TG: variants seen among roughly 807,000 people sequenced by gnomAD.
TG encodes thyroglobulin.
In TG, 270 loss-of-function variants were observed where a neutral mutation model predicts 324.7. The ratio of observed to expected loss-of-function variants is 0.83; its 90% CI spans 0.75 to 0.92. The LOEUF is 0.92. TG is among the 40% of genes least tolerant of loss of function. The pLI is 0.00. For missense variants in TG, 3,591 were observed against 3,456.4 expected (o/e 1.04, Z -0.98); for synonymous variants, 1,401 against 1,327.0 (o/e 1.06, Z -1.21).
chr8:133,116,521 G>C, intron 44 of TG, 88 bp from the exon 45 acceptor site: 1 of 1,267,822 alleles, frequency 7.9e-7, no homozygotes. Flanking sequence ...GGGCCCAGGG[G>C]GCCCCTTGCT....
At chr8:133,075,277 T>A in intron 41 of TG, 1 of 275,086 alleles carries the variant, frequency 3.6e-6, no homozygotes, top group Non-Finnish European at 5.5e-6. Context: ...CTCTTGTACA[T>A]CCCCAGAACT....
At chr8:132,923,316 T>G (rs1476013762) in intron 21 of TG, 22 bp from the exon 22 acceptor site, 1 of 1,613,576 alleles carries the variant, frequency 6.2e-7, no homozygotes, top group East Asian at 2.2e-5. Flanking sequence ...TATTGACGGC[T>G]ATGTCAATCT....
chr8:132,867,004 GC>G lies in TG; in HGVS notation c.7del (p.Leu3TrpfsTer41). The G allele has an allele frequency of 6.3e-7, 1 of 1,594,360 alleles. No individual in the cohort carries two copies. The highest frequency in any genetic ancestry group is 8.6e-7 in the Non-Finnish European group (1 of 1,168,756). The stretch of plus-strand genomic sequence containing the variant: ...CCTCCCAGGAAGGGCCAGGAAAATG[GC>G]CCTGGTCCTGGAGATCTTCACCCTG... Reference protein sequence around the residue: MALVLEIFTLLA... With the variant: MXLVLEIFTLLA... On this transcript the variant is annotated frameshift_variant, in exon 1 of 48. Transcript: ENST00000220616. LOFTEE classifies it high-confidence loss of function.
intron 5 of TG, among the ~76,000 whole-genome samples, chr8:132,874,756 G>A (rs1347592018): frequency 2.6e-5 from 4 of 152,178 alleles, no homozygotes; most frequent in Non-Finnish European, 5.9e-5. Flanking sequence ...AACATGAGAA[G>A]TTTCACATGT....
In TG at chr8:133,017,867, G is replaced by A. The variant is rs770300996; in HGVS notation, c.6652G>A (p.Val2218Met). 2 of 1,614,184 alleles carry A rather than the reference G, an allele frequency of 1.2e-6. No homozygotes were observed. Among genetic ancestry groups the A allele is most frequent in the East Asian group, 2.2e-5 (1 of 44,876 alleles). ...RLLGRSQAIQ[V>M]GTSWKQVDQF... ...GCTGGGCAGGTCCCAGGCCATCCAGGTGGGTACCTCATGGAAGCAAGTGGA... is the reference window on the plus strand; with the variant it reads ...GCTGGGCAGGTCCCAGGCCATCCAGATGGGTACCTCATGGAAGCAAGTGGA... Residue 2218 changes from valine to methionine, a missense_variant, in exon 38 of 48, where the codon GTG becomes ATG. Val to Met is a conservative substitution (Grantham distance 21). Transcript: ENST00000220616.
intron 25 of TG, 129 bp from the exon 26 acceptor site, chr8:132,941,222 T>C: frequency 8.8e-7 from 1 of 1,136,324 alleles, no homozygotes; most frequent in Non-Finnish European, 1.3e-6. Context: ...GAGCATCTCA[T>C]CTTGGCCCAC....
intron 5 of TG, 25 bp from the exon 6 acceptor site, chr8:132,881,838 G>T: frequency 1.3e-6 from 2 of 1,521,802 alleles, no homozygotes; most frequent in South Asian, 1.1e-5. Flanking sequence ...TATGAATGGT[G>T]ACCGTAAATC....
At chr8:133,080,759 C>T (rs919058090) in intron 41 of TG, among the ~76,000 whole-genome samples, 1 of 152,240 alleles carries the variant, frequency 6.6e-6, no homozygotes, top group Admixed American at 6.5e-5. Context: ...AGACAAGCCC[C>T]TCACCTCTTC....
At chr8:133,050,911 C>T (rs989401102) in intron 41 of TG, 2 of 1,609,708 alleles carry the variant, frequency 1.2e-6, no homozygotes, top group African/African-American at 1.3e-5. Flanking sequence ...AGTCGCTATC[C>T]AGTCCTGGGG....
chr8:133,033,949 G>A (rs1272515319), intron 41 of TG, among the ~76,000 whole-genome samples: 1 of 152,192 alleles, frequency 6.6e-6, no homozygotes, highest in Non-Finnish European at 1.5e-5. Context: ...TTAACACTTA[G>A]CACAGCGCTT....
rs201267078 is a variant in TG, at chr8:132,898,832, G to T, written c.3252G>T (p.Gly1084=). The change falls in exon 14 of 48, where the codon GGG becomes GGT. Residue 1084 remains glycine (G), a synonymous_variant. Coordinates refer to ENST00000220616, the MANE Select transcript of TG (RefSeq NM_003235.5). The part of the protein sequence containing the change: ...PTTCEKSRTS[G]LLSSWKQARS... ...CCTGCGAGAAATCTCGAACCAGTGG[G>T]CTGCTTTCCAGTTGGAAACAGGCTA... 1.9e-6 allele frequency: 3 copies of T among 1,614,168 alleles called. No homozygotes were observed. In the East Asian group the frequency reaches 6.7e-5, roughly 36 times the overall value.
intron 27 of TG, 131 bp downstream of exon 27, chr8:132,949,074 A>G (rs1410477499): frequency 6.0e-6 from 5 of 832,044 alleles, no homozygotes; most frequent in East Asian, 2.6e-5. Context: ...AAAAAACTTT[A>G]CCAATCATAC....
rs112647448 is a variant in TG at position 133,046,650 on chromosome 8, C to G, written c.7239+16627C>G. On this transcript the variant is annotated intron_variant, in intron 41 of 47. Transcript: ENST00000220616. Reference sequence around the variant, plus strand: ...TTACGACACCCACCCTGGGTTCTTCCTCCCTTTGGCCAGGCCAGCTTAGGA... The same window carrying G: ...TTACGACACCCACCCTGGGTTCTTCGTCCCTTTGGCCAGGCCAGCTTAGGA... 3.3e-5 allele frequency: 5 copies of G among 152,366 alleles called. No individual in the cohort carries two copies. In the East Asian group the frequency reaches 9.6e-4, roughly 29 times the overall value. 9.4% of individuals were successfully genotyped at this position (152,366 alleles called of 1,614,324 possible).
chr8:133,059,211 C>A (rs1178970667), intron 41 of TG: 1 of 448,270 alleles, frequency 2.2e-6, no homozygotes, highest in Non-Finnish European at 4.5e-6. Context: ...AAATGGGACA[C>A]CAGGCCCCAA....
At chr8:132,909,169 G>A (rs912548681) in intron 18 of TG, among the ~76,000 whole-genome samples, 2 of 152,196 alleles carry the variant, frequency 1.3e-5, no homozygotes, top group African/African-American at 4.8e-5. Context: ...CTGCTGTGTA[G>A]AGGGTAGGCT....
intron 33 of TG, 137 bp from the exon 34 acceptor site, chr8:132,972,461 A>G: frequency 7.0e-6 from 7 of 1,004,206 alleles, no homozygotes; most frequent in Non-Finnish European, 1.0e-5. Flanking sequence ...AGTGGCTGAG[A>G]TAGTATCTGA....
intron 38 of TG, 45 bp from the exon 39 acceptor site, chr8:133,019,557 T>C: frequency 6.5e-7 from 1 of 1,541,568 alleles, no homozygotes; most frequent in Non-Finnish European, 9.0e-7. Context: ...TGGGGAGGGG[T>C]GGTGATGGAG....
At chr8:132,983,844 C>T in intron 35 of TG, 1 of 302,572 alleles carries the variant, frequency 3.3e-6, no homozygotes. Flanking sequence ...CCACACTGGG[C>T]AGCACTGTGA....
intron 34 of TG, among the ~76,000 whole-genome samples, chr8:132,975,671 C>T (rs1472060840): frequency 6.6e-6 from 1 of 152,148 alleles, no homozygotes; most frequent in Non-Finnish European, 1.5e-5. Context: ...TGGCTGGATT[C>T]CAAACACTTT....
Sources: allele counts gnomAD v4.1 joint callset (sites outside exome capture counted in the v4.1 genomes callset), GRCh38; gene constraint gnomAD v4.1.1; transcripts MANE v1.5; gene names NCBI Gene and HGNC (gene_info 2026-07-23, HGNC 2026-07-21).